Variants in SNX25 observed in about 807,000 individuals in gnomAD.
SNX25 encodes sorting nexin 25, also known as sorting nexin-25.
In SNX25, 62 loss-of-function variants were observed where a neutral mutation model predicts 113.7. The observed-to-expected ratio is 0.55, with a 90% CI of 0.44 to 0.67. The LOEUF (loss-of-function observed/expected upper bound fraction) is 0.67, where lower values mean the gene tolerates loss of function less well. SNX25 is among the 30% of genes least tolerant of loss of function. The probability of loss-of-function intolerance (pLI) is 0.00; values close to 1 mark genes in which losing one functional copy is unlikely to be tolerated. For synonymous variants in SNX25, 421 were observed against 436.2 expected (o/e 0.97, Z 0.43); for missense variants, 1,014 against 1,161.0 (o/e 0.87, Z 1.84).
At chr4:185,312,955 A>G (rs1282623486) in intron 7 of SNX25, among the ~76,000 whole-genome samples, 1 of 152,216 alleles carries the variant, frequency 6.6e-6, no homozygotes, top group Non-Finnish European at 1.5e-5. Flanking sequence ...TCCAATAGTT[A>G]TGGTCATTTG....
chr4:185,310,544 T>G, intron 6 of SNX25, 91 bp from the exon 7 acceptor site: 1 of 1,125,668 alleles, frequency 8.9e-7, no homozygotes, highest in South Asian at 2.1e-5. Context: ...TGGTTCAGAA[T>G]GCCCACAGCA....
At position 185,319,516 on chromosome 4, in the gene SNX25, T is replaced by C. The variant is rs539816565; in HGVS notation, c.1345-1217T>C. ...AGCTGGCCTGGGAAAGTCCATTCTT[T>C]TTTTTTTTTTTATCACTTTTCCCCT... On this transcript the variant is annotated intron_variant, in intron 7 of 18. Transcript: ENST00000652585. Among the ~76,000 whole-genome samples, 6 of 151,264 alleles carry C rather than the reference T, an allele frequency of 4.0e-5. No homozygotes were observed. In the East Asian group the frequency reaches 7.8e-4, roughly 20 times the overall value.
intron 2 of SNX25, among the ~76,000 whole-genome samples, chr4:185,249,876 A>G (rs940061833): frequency 1.3e-5 from 2 of 152,020 alleles, no homozygotes; most frequent in Non-Finnish European, 2.9e-5. Context: ...TTTCTTGAAC[A>G]TATTTTGTAG....
upstream of SNX25, among the ~76,000 whole-genome samples, chr4:185,204,954 T>G (rs1172961419): frequency 6.6e-6 from 1 of 152,258 alleles, no homozygotes; most frequent in African/African-American, 2.4e-5. Flanking sequence ...GAATTTGTAG[T>G]AATTTGTTAT....
chr4:185,364,927 A>G (rs1209271850), downstream of SNX25: 1 of 152,094 alleles, frequency 6.6e-6, no homozygotes, highest in African/African-American at 2.4e-5. Flanking sequence ...GATCACTATT[A>G]TTTTGTCTCT....
At chr4:185,352,698 C>T (rs1045193149) in intron 14 of SNX25, among the ~76,000 whole-genome samples, 1 of 152,194 alleles carries the variant, frequency 6.6e-6, no homozygotes, top group African/African-American at 2.4e-5. Flanking sequence ...TTTTAGGGAA[C>T]TCCTCCAGCC....
chr4:185,361,584 A>T (rs1382601833), intron 16 of SNX25, among the ~76,000 whole-genome samples: 1 of 152,096 alleles, frequency 6.6e-6, no homozygotes, highest in East Asian at 1.9e-4. Context: ...CTAAAAATAC[A>T]AAAATCAGCC....
chr4:185,378,132 G>A, the SNX25 span: 2 of 1,613,920 alleles, frequency 1.2e-6, no homozygotes, highest in Admixed American at 1.7e-5. Flanking sequence ...GCAGCATACT[G>A]AGATACAGAG....
chr4:185,302,303 A>AG, intron 6 of SNX25, among the ~76,000 whole-genome samples: 1 of 140,308 alleles, frequency 7.1e-6, no homozygotes, highest in African/African-American at 3.3e-5. Context: ...AAACTCAAAG[A>AG]GGGGGCTGTG....
At chr4:185,224,502 AAT>A (rs1290401253) in intron 1 of SNX25, among the ~76,000 whole-genome samples, 3 of 130,992 alleles carry the variant, frequency 2.3e-5, no homozygotes, top group African/African-American at 8.6e-5. Context: ...TAGATATATA[AAT>A]ATATAGATAT....
exon 12 of SNX25, chr4:185,369,874 C>T: frequency 2.6e-6 from 1 of 382,062 alleles, no homozygotes; most frequent in South Asian, 2.1e-5. Flanking sequence ...AGCTTGGGAA[C>T]CACTGCTGTA....
At chr4:185,325,069 G>C (rs2095146854) in intron 9 of SNX25, among the ~76,000 whole-genome samples, 2 of 152,286 alleles carry the variant, frequency 1.3e-5, no homozygotes, top group South Asian at 4.1e-4. Context: ...CCAAGAATCT[G>C]TTTGGTTATT....
intron 9 of SNX25, among the ~76,000 whole-genome samples, chr4:185,330,229 G>A (rs1019035087): frequency 2.0e-5 from 3 of 152,278 alleles, no homozygotes; most frequent in Middle Eastern, 3.4e-3. Flanking sequence ...TTGCAGGGTT[G>A]GAATGTCTCT....
intron 1 of SNX25, among the ~76,000 whole-genome samples, chr4:185,235,441 C>G (rs755365335): frequency 6.6e-6 from 1 of 152,156 alleles, no homozygotes; most frequent in Non-Finnish European, 1.5e-5. Flanking sequence ...CCTGGGCTTT[C>G]AAGGGACATG....
chr4:185,374,601 G>A, downstream of SNX25: 4 of 884,944 alleles, frequency 4.5e-6, 1 homozygote, highest in South Asian at 7.4e-5. Flanking sequence ...GGGTACAATT[G>A]TCCTGGATTC....
chr4:185,273,447 T>A (rs1749230198), intron 5 of SNX25, among the ~76,000 whole-genome samples: 1 of 152,156 alleles, frequency 6.6e-6, no homozygotes, highest in African/African-American at 2.4e-5. Flanking sequence ...TGGCTGATAT[T>A]TGATGTATGT....
chr4:185,362,009 A>C lies in SNX25; in HGVS notation c.2737A>C (p.Asn913His). 19 of 1,614,064 alleles carry C rather than the reference A, an allele frequency of 1.2e-5. No individual in the cohort carries two copies. Among genetic ancestry groups the C allele is most frequent in the Non-Finnish European group, 1.6e-5 (19 of 1,179,986 alleles). Residue 913 changes from asparagine to histidine, a missense_variant, in exon 17 of 19, where the codon AAT becomes CAT. Transcript: ENST00000652585. ...INIFRDAFWP[N>H]GKLAPPTTIR... ...TATTTTCCGGGATGCTTTTTGGCCA[A>C]ATGGGAAGTTGGCACCACCGACCAC...
In SNX25 at chr4:185,310,952, A is replaced by G. The variant is rs145133181; in HGVS notation, c.1344+136A>G. The G allele has an allele frequency of 2.6e-3, 2,202 of 862,550 alleles. 9 individuals carry two copies. The highest frequency in any genetic ancestry group is 2.2e-3 in the Non-Finnish European group (1,256 of 572,440). The allele number at this position is 862,550 out of a possible 1,614,324, so 53.4% of individuals were successfully genotyped here. A position where few individuals can be genotyped will look rare whatever the true frequency, so the allele number is the denominator to read the frequency against. On this transcript the variant is annotated intron_variant, in intron 7 of 18. Coordinates refer to ENST00000652585, the MANE Select transcript of SNX25 (RefSeq NM_001378034.2). ...ATAACTACACACTGACATTTGCTCT[A>G]TGAGTCAAGGAGCTACATTCCTTGG...
At chr4:185,217,030 T>G (rs1738964007) in intron 1 of SNX25, among the ~76,000 whole-genome samples, 1 of 152,176 alleles carries the variant, frequency 6.6e-6, no homozygotes, top group African/African-American at 2.4e-5. Context: ...GAACTGAATT[T>G]TAGTCTTCAG....
Sources: allele counts gnomAD v4.1 joint callset (sites outside exome capture counted in the v4.1 genomes callset), GRCh38; gene constraint gnomAD v4.1.1; transcripts MANE v1.5; gene names NCBI Gene and HGNC (gene_info 2026-07-23, HGNC 2026-07-21).